The following LRIG2 variants were observed in gnomAD, a reference collection of about 807,000 sequenced individuals.
LRIG2 encodes leucine rich repeats and immunoglobulin like domains 2, also known as leucine-rich repeats and immunoglobulin-like domains protein 2.
In LRIG2, 93 loss-of-function variants were observed where a neutral mutation model predicts 107.8. The ratio of observed to expected loss-of-function variants is 0.86; its 90% CI spans 0.73 to 1.03. LRIG2 has a LOEUF of 1.03. Ranked by LOEUF, LRIG2 falls within the 50% of genes least tolerant of loss-of-function variation. The pLI is 0.00. For synonymous variants in LRIG2, 471 were observed against 470.6 expected (o/e 1.00, Z -0.01); for missense variants, 1,226 against 1,296.0 (o/e 0.95, Z 0.83).
At chr1:113,108,535 TA>T (rs946132570) in intron 12 of LRIG2, among the ~76,000 whole-genome samples, 3 of 150,588 alleles carry the variant, frequency 2.0e-5, no homozygotes, top group African/African-American at 7.3e-5. Flanking sequence ...ATTTCAAGTA[TA>T]CTTCTATATT....
At chr1:113,098,552 TAAG>T (rs746927527) in intron 8 of LRIG2, among the ~76,000 whole-genome samples, 150 bp from the exon 9 acceptor site, 10 of 152,350 alleles carry the variant, frequency 6.6e-5, no homozygotes, top group Non-Finnish European at 1.2e-4. Context: ...AGATATTTCT[TAAG>T]AAGCAGAGTT....
chr1:113,100,471 G>T lies in LRIG2; in HGVS notation c.1296G>T (p.Gln432His). 6.6e-7 allele frequency: 1 copy of T among 1,519,264 alleles called. No homozygotes were observed. 94.1% of individuals were successfully genotyped at this position (1,519,264 alleles called of 1,614,324 possible). A position where few individuals can be genotyped will look rare whatever the true frequency, so the allele number is the denominator to read the frequency against. Reference sequence around the variant, plus strand: ...CTATCCAAGAAAATGCTTTTTCTCAGACTCATTTAAAAGAACTGTAAGTAA... The same window carrying T: ...CTATCCAAGAAAATGCTTTTTCTCATACTCATTTAAAAGAACTGTAAGTAA... The part of the protein sequence containing the change: ...IMSIQENAFS[Q>H]THLKELILNT... Residue 432 changes from glutamine (Q) to histidine (H), a missense_variant, in exon 11 of 18, where the codon CAG becomes CAT. Gln to His is a conservative substitution (Grantham distance 24). Coordinates refer to ENST00000361127, the MANE Select transcript of LRIG2 (RefSeq NM_014813.3).
At chr1:113,094,884 G>A in intron 6 of LRIG2, 129 bp downstream of exon 6, 1 of 823,666 alleles carries the variant, frequency 1.2e-6, no homozygotes, top group African/African-American at 1.7e-5. Flanking sequence ...CTGATGTGAA[G>A]TAAGCGTACA....
intron 8 of LRIG2, among the ~76,000 whole-genome samples, chr1:113,096,953 T>A (rs1034979635): frequency 6.6e-6 from 1 of 152,194 alleles, no homozygotes; most frequent in Admixed American, 6.5e-5. Context: ...CAGAATCAGA[T>A]CCCAGGTCTG....
chr1:113,119,030 GATAATA>G (rs1655132118), intron 16 of LRIG2, among the ~76,000 whole-genome samples, 197 bp from the exon 17 acceptor site: 1 of 152,144 alleles, frequency 6.6e-6, no homozygotes, highest in African/African-American at 2.4e-5. Flanking sequence ...GTAAAGTGGG[GATAATA>G]ATAATACCTA....
At chr1:113,123,716 G>A (rs969029982) in intron 17 of LRIG2, among the ~76,000 whole-genome samples, 159 bp from the exon 18 acceptor site, 1 of 146,390 alleles carries the variant, frequency 6.8e-6, no homozygotes. Flanking sequence ...ACCATGTTCT[G>A]GTGGTGGTTT....
intron 1 of LRIG2, among the ~76,000 whole-genome samples, chr1:113,075,148 G>T (rs1396237658): frequency 6.6e-6 from 1 of 151,966 alleles, no homozygotes; most frequent in African/African-American, 2.4e-5. Context: ...GGAGGGCGAG[G>T]TTGGAGTGAG....
intron 8 of LRIG2, 145 bp downstream of exon 8, chr1:113,096,510 G>C: frequency 2.6e-6 from 2 of 779,268 alleles, no homozygotes; most frequent in Non-Finnish European, 2.0e-6. Context: ...GAGCAAGGCA[G>C]TCTTATTTGT....
chr1:113,100,296 A>T lies in LRIG2; in HGVS notation c.1244+14A>T, dbSNP rs17031018. 1 of 1,576,422 alleles carries T rather than the reference A, an allele frequency of 6.3e-7. No individual in the cohort carries two copies. Among genetic ancestry groups the T allele is most frequent in the African/African-American group, 1.4e-5 (1 of 74,056 alleles). ...CCTTGAGCATCTGTAAGTATTTTGC[A>T]TACATTTTGCTTACTCTATAAATAA... On this transcript the variant is annotated intron_variant, in intron 10 of 17. Transcript: ENST00000361127.
intron 1 of LRIG2, among the ~76,000 whole-genome samples, chr1:113,079,240 T>G (rs1653140346): frequency 6.6e-6 from 1 of 150,724 alleles, no homozygotes; most frequent in South Asian, 2.1e-4. Flanking sequence ...CCCAGTTACT[T>G]GGGGGGCTGA....
chr1:113,085,564 G>T (rs938129606), intron 1 of LRIG2, among the ~76,000 whole-genome samples: 5 of 152,200 alleles, frequency 3.3e-5, no homozygotes, highest in South Asian at 2.1e-4. Flanking sequence ...GATTACAGGC[G>T]TGAACCACTG....
chr1:113,077,388 C>A lies in LRIG2; in HGVS notation c.239+3743C>A, dbSNP rs188445247. ...AACTCCTGACCTCAGGTGATCCGCCCACCTTGGCCTCCCAAAGTGCCAGGA... is the reference window on the plus strand; with the variant it reads ...AACTCCTGACCTCAGGTGATCCGCCAACCTTGGCCTCCCAAAGTGCCAGGA... On this transcript the variant is annotated intron_variant, in intron 1 of 17. Transcript: ENST00000361127. Among the ~76,000 whole-genome samples the A allele has an allele frequency of 1.1e-3, 161 of 152,260 alleles. 3 individuals carry two copies. Among genetic ancestry groups the A allele is most frequent in the Middle Eastern group, 3.4e-3 (1 of 294 alleles).
At chr1:113,116,525 A>G (rs989267597) in intron 16 of LRIG2, 89 bp downstream of exon 16, 8 of 1,293,038 alleles carry the variant, frequency 6.2e-6, no homozygotes, top group Non-Finnish European at 8.5e-6. Context: ...ATCTGAAGCA[A>G]TATTTTAAAG....
In LRIG2 at chr1:113,096,363, A is replaced by G. The variant is rs1327098875; in HGVS notation, c.1089A>G (p.Thr363=). Residue 363 remains threonine, a splice_region_variant and synonymous_variant, in exon 8 of 18, where the codon ACA becomes ACG. Transcript: ENST00000361127. Reference sequence around the variant, plus strand: ...TTAGATTTCTTTCCAATCTTCAGACATTGTAAGTATATCCATTCTCCTTTT... The same window carrying G: ...TTAGATTTCTTTCCAATCTTCAGACGTTGTAAGTATATCCATTCTCCTTTT... The part of the protein sequence containing the change: ...GVFRFLSNLQ[T]LDLRNNEISW... The G allele has an allele frequency of 1.2e-6, 2 of 1,612,438 alleles. No homozygotes were observed. Among genetic ancestry groups the G allele is most frequent in the African/African-American group, 1.3e-5 (1 of 74,994 alleles).
rs962934521 is a variant in LRIG2 at position 113,125,520 on chromosome 1, TC to T, written c.*1420del. On this transcript the variant is annotated 3_prime_UTR_variant, in exon 18 of 18. Coordinates refer to ENST00000361127, the MANE Select transcript of LRIG2 (RefSeq NM_014813.3). ...GATTGAGGAAGGTTCAGTCATTCCT[TC>T]AGGAACCAATGAGTTAGATCGGGTT... 2.0e-5 allele frequency: 3 copies of T among 152,180 alleles called. No homozygotes were observed. The highest frequency in any genetic ancestry group is 7.2e-5 in the African/African-American group (3 of 41,440). 9.4% of individuals were successfully genotyped at this position (152,180 alleles called of 1,614,324 possible).
intron 2 of LRIG2, among the ~76,000 whole-genome samples, chr1:113,092,780 C>CA: frequency 6.6e-6 from 1 of 152,220 alleles, no homozygotes; most frequent in Non-Finnish European, 1.5e-5. Context: ...CACCTGAGGT[C>CA]AGGAGTTTGA....
Position 113,095,990 on chromosome 1 carries a change from G to A in LRIG2, c.920G>A (p.Trp307Ter). The A allele has an allele frequency of 6.2e-7, 1 of 1,614,200 alleles. No individual in the cohort carries two copies. The highest frequency in any genetic ancestry group is 1.1e-5 in the South Asian group (1 of 91,086). ...NAIERISPDA[W>*]EFCQRLSELD... The stretch of plus-strand genomic sequence containing the variant: ...ATTGAAAGAATCAGCCCTGATGCAT[G>A]GGAGTTCTGCCAAAGACTATCCGAA... The change falls in exon 7 of 18, where the codon TGG (tryptophan) becomes TAG (stop). Residue 307 changes from tryptophan (W) to a stop codon, truncating the protein, a stop_gained. Transcript: ENST00000361127. LOFTEE classifies it high-confidence loss of function.
At chr1:113,089,430 A>G (rs1653693056) in intron 1 of LRIG2, among the ~76,000 whole-genome samples, 2 of 152,198 alleles carry the variant, frequency 1.3e-5, no homozygotes, top group Non-Finnish European at 2.9e-5. Context: ...TTTCAAATTT[A>G]TAACTTTTAT....
At chr1:113,087,313 CT>C (rs1311255428) in intron 1 of LRIG2, among the ~76,000 whole-genome samples, 1 of 152,116 alleles carries the variant, frequency 6.6e-6, no homozygotes, top group Non-Finnish European at 1.5e-5. Context: ...AGTTTTAAAT[CT>C]GATATTTGAA....
Sources: allele counts gnomAD v4.1 joint callset (sites outside exome capture counted in the v4.1 genomes callset), GRCh38; gene constraint gnomAD v4.1.1; transcripts MANE v1.5; gene names NCBI Gene and HGNC (gene_info 2026-07-23, HGNC 2026-07-21).